Variants in CTNNA3 observed in about 807,000 individuals in gnomAD.
CTNNA3 encodes the protein catenin alpha-3.
In CTNNA3, 76 loss-of-function variants were observed where a neutral mutation model predicts 95.7. That is an observed-to-expected ratio of 0.79 (90% confidence interval 0.66 to 0.96). CTNNA3 has a LOEUF of 0.96. CTNNA3 is among the 40% of genes least tolerant of loss of function. The pLI is 0.00. For synonymous variants in CTNNA3, 431 were observed against 374.4 expected (o/e 1.15, Z -1.74); for missense variants, 1,191 against 1,089.8 (o/e 1.09, Z -1.31).
At chr10:67,609,874 T>C (rs528350142) in intron 2 of CTNNA3, among the ~76,000 whole-genome samples, 64 of 152,350 alleles carry the variant, frequency 4.2e-4, no homozygotes, top group African/African-American at 1.5e-3. Context: ...GCTCATTCTA[T>C]ATGCTTTACA....
intron 6 of CTNNA3, 93 bp from the exon 7 acceptor site, chr10:67,180,613 G>C: frequency 9.9e-7 from 1 of 1,014,620 alleles, no homozygotes; most frequent in Non-Finnish European, 1.5e-6. Flanking sequence ...TTAGAATTCA[G>C]ATGTGATAAT....
chr10:67,188,514 G>C (rs1862970366), intron 6 of CTNNA3, among the ~76,000 whole-genome samples: 1 of 152,148 alleles, frequency 6.6e-6, no homozygotes, highest in Admixed American at 6.6e-5. Flanking sequence ...CAAAGATGTA[G>C]AGAAAAGGGG....
intron 15 of CTNNA3, among the ~76,000 whole-genome samples, chr10:66,055,882 A>G (rs1164029453): frequency 1.4e-5 from 2 of 141,984 alleles, no homozygotes; most frequent in Non-Finnish European, 3.0e-5. Flanking sequence ...AGGTCACACC[A>G]CTGCACTCCA....
At chr10:66,665,667 T>C (rs932715233) in intron 9 of CTNNA3, among the ~76,000 whole-genome samples, 4 of 152,174 alleles carry the variant, frequency 2.6e-5, no homozygotes, top group East Asian at 1.9e-4. Flanking sequence ...CATTTGTCCA[T>C]TGAGGATTTA....
intron 5 of CTNNA3, among the ~76,000 whole-genome samples, chr10:67,389,164 C>A (rs1267418501): frequency 6.6e-6 from 1 of 151,524 alleles, no homozygotes; most frequent in African/African-American, 2.4e-5. Flanking sequence ...TTCAGGAAAC[C>A]CATCTCACGT....
Position 66,712,606 on chromosome 10 carries a change from T to TCACACACACACACACACACA in CTNNA3, c.1281+53657_1281+53658insTGTGTGTGTGTGTGTGTGTG, listed in dbSNP as rs879288075. Among the ~76,000 whole-genome samples, 167 of 149,376 alleles carry TCACACACACACACACACACA rather than the reference T, an allele frequency of 1.1e-3. 3 individuals are homozygous for TCACACACACACACACACACA. The East Asian group carries it at 0.017, about 15-fold the overall frequency. On this transcript the variant is annotated intron_variant, in intron 9 of 17. Coordinates refer to ENST00000433211, the MANE Select transcript of CTNNA3 (RefSeq NM_013266.4). ...CACTCTCTCTCCCTCTCTCTCTCTC[T>TCACACACACACACACACACA]CTCACACACACAGCAAGAGACATTT...
intron 7 of CTNNA3, among the ~76,000 whole-genome samples, chr10:66,793,305 A>G (rs996747900): frequency 6.6e-6 from 1 of 151,996 alleles, no homozygotes; most frequent in Non-Finnish European, 1.5e-5. Context: ...CCACACCCAG[A>G]AAATTTTTTT....
At chr10:66,679,770 A>T (rs1357664600) in intron 9 of CTNNA3, among the ~76,000 whole-genome samples, 1 of 152,194 alleles carries the variant, frequency 6.6e-6, no homozygotes, top group Non-Finnish European at 1.5e-5. Flanking sequence ...TGTGACTTAC[A>T]CACAACATGC....
At chr10:66,216,071 C>G (rs2088512974) in intron 13 of CTNNA3, among the ~76,000 whole-genome samples, 1 of 152,238 alleles carries the variant, frequency 6.6e-6, no homozygotes, top group Admixed American at 6.5e-5. Flanking sequence ...CGTGTTGACT[C>G]TTGATTAACC....
At chr10:67,234,497 T>C (rs1043241959) in intron 5 of CTNNA3, among the ~76,000 whole-genome samples, 1 of 152,200 alleles carries the variant, frequency 6.6e-6, no homozygotes, top group Non-Finnish European at 1.5e-5. Flanking sequence ...AAATTAGGTA[T>C]TGATGGGGCG....
intron 13 of CTNNA3, among the ~76,000 whole-genome samples, chr10:66,188,139 A>G (rs2086437390): frequency 6.6e-6 from 1 of 152,178 alleles, no homozygotes; most frequent in African/African-American, 2.4e-5. Flanking sequence ...ATGGAGAGAA[A>G]AAAGAATCAG....
At chr10:67,696,839 T>C (rs1840973628), upstream of CTNNA3, among the ~76,000 whole-genome samples, 1 of 152,208 alleles carries the variant, frequency 6.6e-6, no homozygotes, top group Non-Finnish European at 1.5e-5. Context: ...AAACAATCTT[T>C]ATCATTTCAT....
intron 7 of CTNNA3, among the ~76,000 whole-genome samples, chr10:67,067,737 T>A (rs911051740): frequency 3.3e-5 from 5 of 152,204 alleles, no homozygotes; most frequent in African/African-American, 1.2e-4. Context: ...ATTATCCTAT[T>A]CATTCATTTA....
At chr10:66,257,855 A>G (rs551504628) in intron 13 of CTNNA3, among the ~76,000 whole-genome samples, 33 of 152,254 alleles carry the variant, frequency 2.2e-4, no homozygotes, top group African/African-American at 6.0e-4. Context: ...GATTCATCCT[A>G]TTGTCCCAAA....
chr10:66,769,237 C>T (rs1320097038), intron 8 of CTNNA3, among the ~76,000 whole-genome samples: 3 of 152,178 alleles, frequency 2.0e-5, no homozygotes, highest in South Asian at 2.1e-4. Context: ...GTCATCTTTT[C>T]GTCCCATGAC....
chr10:66,114,887 A>T (rs1589442432), intron 13 of CTNNA3, among the ~76,000 whole-genome samples: 1 of 152,010 alleles, frequency 6.6e-6, no homozygotes, highest in Admixed American at 6.6e-5. Context: ...TCAAAAAAAA[A>T]AAGAAAAAGA....
rs1194716184 is a variant in CTNNA3, at chr10:66,532,839, AC to A, written c.1375-12067del. On this transcript the variant is annotated intron_variant, in intron 10 of 17. Coordinates refer to ENST00000433211, the MANE Select transcript of CTNNA3 (RefSeq NM_013266.4). ...AATAGGGTCGAAATAGTTAGGGTTG[AC>A]TTCTCTTTCTCATTCCTCTCTCATT... Among the ~76,000 whole-genome samples, 2 of 152,044 alleles carry A rather than the reference AC, an allele frequency of 1.3e-5. 1 individual carries two copies. Among genetic ancestry groups the A allele is most frequent in the East Asian group, 3.9e-4 (2 of 5,174 alleles).
chr10:66,421,915 T>C lies in CTNNA3; in HGVS notation c.1532-42563A>G, dbSNP rs7476155. ...TAAATGTGATATATATATATATATA[T>C]ACACACACACACAAGAAAAAAAGAA... On this transcript the variant is annotated intron_variant, in intron 11 of 17. Transcript: ENST00000433211. Among the ~76,000 whole-genome samples the C allele has an allele frequency of 5.4e-4, 70 of 128,906 alleles. 2 individuals are homozygous for C. The highest frequency in any genetic ancestry group is 1.3e-3 in the East Asian group (6 of 4,514). The allele number at this position is 128,906 out of a possible 152,430, so 84.6% of individuals were successfully genotyped here.
intron 1 of CTNNA3, among the ~76,000 whole-genome samples, chr10:67,680,160 T>C (rs1018150538): frequency 4.6e-5 from 7 of 152,172 alleles, no homozygotes; most frequent in African/African-American, 1.7e-4. Context: ...GAGCTTAGGC[T>C]GGAGCTGTCT....
Sources: allele counts gnomAD v4.1 joint callset (sites outside exome capture counted in the v4.1 genomes callset), GRCh38; gene constraint gnomAD v4.1.1; transcripts MANE v1.5; gene names NCBI Gene and HGNC (gene_info 2026-07-23, HGNC 2026-07-21).